Variants in MTMR3 observed in about 807,000 individuals in gnomAD.
MTMR3 encodes myotubularin related protein 3.
In MTMR3, 32 loss-of-function variants were observed where a neutral mutation model predicts 132.4. The observed-to-expected ratio is 0.24, with a 90% confidence interval of 0.18 to 0.32. The LOEUF is 0.32. Among genes scored for constraint, MTMR3 ranks in the 10% least tolerant of loss-of-function variants. MTMR3 has a pLI of 1.00. For missense variants in MTMR3, 1,216 were observed against 1,489.6 expected, an observed-to-expected ratio of 0.82 and a Z score of 3.02; for synonymous variants, 556 against 550.3, an observed-to-expected ratio of 1.01 and a Z score of -0.14.
rs2065606203 is a variant in MTMR3 at position 29,929,842 on chromosome 22, A to G, written c.-137-27194A>G. On this transcript the variant is annotated intron_variant, in intron 1 of 19. Coordinates refer to ENST00000401950, the MANE Select transcript of MTMR3 (RefSeq NM_021090.4). ...GAAGGTTTTTAAAATGGAAATGCTC[A>G]ACTCTTTTTAGATTATTATTCTAAC... 2.0e-5 allele frequency among the ~76,000 whole-genome samples: 3 copies of G among 152,144 alleles called. No homozygotes were observed. In the South Asian group the frequency reaches 6.2e-4, roughly 32 times the overall value.
intron 1 of MTMR3, among the ~76,000 whole-genome samples, chr22:29,903,417 G>A (rs1324893247): frequency 2.1e-5 from 3 of 144,916 alleles, no homozygotes; most frequent in Non-Finnish European, 3.0e-5. Flanking sequence ...TTGAGACAGG[G>A]TCTTACTGTC....
chr22:30,023,965 CT>C (rs1315045087), intron 19 of MTMR3: 1 of 155,148 alleles, frequency 6.4e-6, no homozygotes, highest in Non-Finnish European at 1.4e-5. Context: ...AAAGATTCCA[CT>C]TAGTGTCTTT....
At chr22:30,013,246 G>C (rs555911735) in intron 13 of MTMR3, 110 bp from the exon 14 acceptor site, 22 of 1,138,628 alleles carry the variant, frequency 1.9e-5, no homozygotes, top group South Asian at 1.1e-4. Context: ...AGGCCGGGTG[G>C]GCTTTCTGGG....
intron 1 of MTMR3, among the ~76,000 whole-genome samples, chr22:29,906,864 G>T (rs540345564): frequency 7.2e-4 from 109 of 151,934 alleles, no homozygotes; most frequent in Admixed American, 1.0e-3. Flanking sequence ...GATCACTTGA[G>T]GCCAGGAGTT....
At chr22:29,910,175 A>AAC (rs2065182933) in intron 1 of MTMR3, among the ~76,000 whole-genome samples, 1 of 151,882 alleles carries the variant, frequency 6.6e-6, no homozygotes, top group African/African-American at 2.4e-5. Flanking sequence ...AAAAAAAAAA[A>AAC]GAAAGTGGGC....
chr22:29,971,345 C>A (rs1004357388), intron 3 of MTMR3, among the ~76,000 whole-genome samples: 1 of 152,114 alleles, frequency 6.6e-6, no homozygotes, highest in Non-Finnish European at 1.5e-5. Context: ...CTAAAACATA[C>A]AGTTCTCGGA....
chr22:29,923,464 A>G (rs563682467), intron 1 of MTMR3, among the ~76,000 whole-genome samples: 3 of 152,128 alleles, frequency 2.0e-5, no homozygotes, highest in South Asian at 4.2e-4. Flanking sequence ...TTGGCCTCCC[A>G]AAGTGCTGGG....
chr22:29,979,863 A>G (rs1466526009), intron 5 of MTMR3: 1 of 152,202 alleles, frequency 6.6e-6, no homozygotes, highest in East Asian at 1.9e-4. Flanking sequence ...TGGACTATGT[A>G]TTACTGAAGA....
rs142029634 is a variant in MTMR3, at chr22:29,905,615, A to G, written c.-138+22256A>G. Among the ~76,000 whole-genome samples the G allele has an allele frequency of 1.0e-2, 1,513 of 151,468 alleles. 16 individuals are homozygous for G. The highest frequency in any genetic ancestry group is 0.014 in the Non-Finnish European group (967 of 68,010). On this transcript the variant is annotated intron_variant, in intron 1 of 19. Transcript: ENST00000401950. ...TTGGATAAGGTACTTCCTTGATGTA[A>G]GGTAATGTTCTTTCAAGCATTTTAA... is the stretch of plus-strand genomic sequence containing the variant.
chr22:30,008,961 G>T, intron 11 of MTMR3, 57 bp from the exon 12 acceptor site: 1 of 1,220,090 alleles, frequency 8.2e-7, no homozygotes, highest in Non-Finnish European at 1.2e-6. Flanking sequence ...TTTAAATTTG[G>T]CCATGTGGGC....
chr22:29,970,730 T>C (rs999464211), intron 2 of MTMR3, among the ~76,000 whole-genome samples: 9 of 152,102 alleles, frequency 5.9e-5, no homozygotes, highest in African/African-American at 2.2e-4. Flanking sequence ...CCTTTGATAC[T>C]GTTTTTGCAG....
chr22:29,901,115 C>T (rs1382816281), intron 1 of MTMR3, among the ~76,000 whole-genome samples: 2 of 151,870 alleles, frequency 1.3e-5, no homozygotes, highest in Non-Finnish European at 2.9e-5. Flanking sequence ...GTATTTTGAA[C>T]CAAAATTAGG....
chr22:29,893,955 C>T (rs529541109), intron 1 of MTMR3, among the ~76,000 whole-genome samples: 4 of 152,140 alleles, frequency 2.6e-5, no homozygotes, highest in Admixed American at 1.3e-4. Context: ...AAGCCATTCT[C>T]GTGTCTCAGC....
At chr22:29,981,529 T>C (rs999979355) in intron 5 of MTMR3, 3 of 152,182 alleles carry the variant, frequency 2.0e-5, no homozygotes, top group African/African-American at 7.2e-5. Context: ...AGAGCCTACA[T>C]GTTACTTAAA....
intron 6 of MTMR3, 56 bp from the exon 7 acceptor site, chr22:29,991,448 A>G: frequency 6.6e-7 from 1 of 1,504,726 alleles, no homozygotes; most frequent in Non-Finnish European, 8.9e-7. Context: ...GGCTTTTCTT[A>G]CATTTCATTT....
intron 1 of MTMR3, among the ~76,000 whole-genome samples, chr22:29,949,137 A>C (rs1346087971): frequency 5.9e-4 from 21 of 35,742 alleles, no homozygotes; most frequent in African/African-American, 2.1e-3. Context: ...ACACACACAC[A>C]CACACACCCC....
At chr22:29,936,894 T>G (rs531171973) in intron 1 of MTMR3, among the ~76,000 whole-genome samples, 1 of 152,316 alleles carries the variant, frequency 6.6e-6, no homozygotes, top group African/African-American at 2.4e-5. Context: ...CCTCATGCTA[T>G]CCACTTGAGT....
chr22:29,903,573 C>G (rs2065041233), intron 1 of MTMR3, among the ~76,000 whole-genome samples: 1 of 151,194 alleles, frequency 6.6e-6, no homozygotes, highest in Non-Finnish European at 1.5e-5. Flanking sequence ...GTTTTTTTTG[C>G]ATGTACGTAG....
intron 7 of MTMR3, chr22:29,994,268 C>A: frequency 2.9e-6 from 1 of 348,920 alleles, no homozygotes; most frequent in Non-Finnish European, 4.0e-6. Context: ...AACCTGCCAC[C>A]ACTCAGCATG....
Sources: gnomAD v4.1 joint callset for allele counts (sites outside exome capture counted in the v4.1 genomes callset) on GRCh38, gnomAD v4.1.1 for gene constraint, MANE v1.5 for transcripts, NCBI Gene and HGNC (gene_info 2026-07-23, HGNC 2026-07-21) for gene names.